The following ABHD6 variants were observed in gnomAD, a reference collection of about 807,000 sequenced individuals.
ABHD6 encodes abhydrolase domain containing 6, acylglycerol lipase, also known as monoacylglycerol lipase ABHD6.
In ABHD6, 33 loss-of-function variants were observed where a neutral mutation model predicts 38.8. The ratio of observed to expected loss-of-function variants is 0.85; its 90% CI spans 0.64 to 1.14. ABHD6 has a LOEUF of 1.14. Ranked by LOEUF, ABHD6 falls within the 50% of genes most tolerant of loss-of-function variation. The pLI, the probability that ABHD6 is intolerant of heterozygous loss-of-function variation, is 0.00. For synonymous variants in ABHD6, 147 were observed against 161.6 expected (o/e 0.91, Z 0.69); for missense variants, 380 against 422.6 (o/e 0.90, Z 0.88).
At chr3:58,252,229 GTTT>G (rs10671892) in intron 2 of ABHD6, among the ~76,000 whole-genome samples, 1 of 80,966 alleles carries the variant, frequency 1.2e-5, no homozygotes, top group Non-Finnish European at 2.2e-5. Context: ...TTGACTGCTT[GTTT>G]TTTTTTTTTT....
At chr3:58,260,982 T>C (rs1264353342) in intron 3 of ABHD6, among the ~76,000 whole-genome samples, 3 of 152,168 alleles carry the variant, frequency 2.0e-5, no homozygotes, top group Non-Finnish European at 4.4e-5. Context: ...CTATGGCTGC[T>C]CCTGCAGGAG....
intron 9 of ABHD6, among the ~76,000 whole-genome samples, chr3:58,289,294 CA>C (rs1213612307): frequency 6.6e-6 from 1 of 151,262 alleles, no homozygotes; most frequent in Non-Finnish European, 1.5e-5. Flanking sequence ...GGGGATTTGG[CA>C]GGGTCATAGG....
chr3:58,280,572 C>T (rs1011118030), intron 7 of ABHD6, among the ~76,000 whole-genome samples: 1 of 152,148 alleles, frequency 6.6e-6, no homozygotes, highest in South Asian at 2.1e-4. Flanking sequence ...TTATTACTGA[C>T]CTTCTGAAGC....
At chr3:58,291,365 C>G (rs1262732890) in intron 9 of ABHD6, among the ~76,000 whole-genome samples, 1 of 151,966 alleles carries the variant, frequency 6.6e-6, no homozygotes, top group African/African-American at 2.4e-5. Context: ...GAGGGAGACC[C>G]TGGAAAGAGA....
At chr3:58,270,503 C>CAAAAAA (rs768619665) in intron 5 of ABHD6, among the ~76,000 whole-genome samples, 3 of 60,654 alleles carry the variant, frequency 4.9e-5, no homozygotes, top group South Asian at 5.6e-4. Context: ...CTCATCTCTA[C>CAAAAAA]AAAAAAAAAA....
At chr3:58,246,737 C>G (rs2097426665) in intron 1 of ABHD6, among the ~76,000 whole-genome samples, 3 of 151,706 alleles carry the variant, frequency 2.0e-5, no homozygotes, top group Admixed American at 2.0e-4. Flanking sequence ...TATGGATGGT[C>G]ATGTGTTTCC....
In ABHD6 at chr3:58,256,538, C is replaced by A; in HGVS notation, c.-25-24C>A. 7.3e-7 allele frequency: 1 copy of A among 1,375,076 alleles called. No homozygotes were observed. The highest frequency in any genetic ancestry group is 1.0e-6 in the Non-Finnish European group (1 of 974,552). 85.2% of individuals were successfully genotyped at this position (1,375,076 alleles called of 1,614,324 possible). A position where few individuals can be genotyped will look rare whatever the true frequency, so the allele number is the denominator to read the frequency against. Reference sequence around the variant, plus strand: ...TTCCTTTGATACAGAGTTTTAATATCGTCATTCTCTTTGGCCCCTGCAGGA... The same window carrying A: ...TTCCTTTGATACAGAGTTTTAATATAGTCATTCTCTTTGGCCCCTGCAGGA... On this transcript the variant is annotated intron_variant, in intron 2 of 9. Transcript: ENST00000478253. The surrounding 1 kb of genome is among the most constrained non-coding windows in gnomAD (Gnocchi z 4.3).
rs1379693912 is a variant in ABHD6, at chr3:58,251,020, AG to A, written c.-26+1079del. 6.6e-6 allele frequency among the ~76,000 whole-genome samples: 1 copy of A among 152,170 alleles called. No individual in the cohort carries two copies. Among genetic ancestry groups the A allele is most frequent in the African/African-American group, 2.4e-5 (1 of 41,434 alleles). On this transcript the variant is annotated intron_variant, in intron 2 of 9. Coordinates refer to ENST00000478253, the MANE Select transcript of ABHD6 (RefSeq NM_001320126.2). This position sits in a 1 kb window ranked among gnomAD's most constrained non-coding sequence, Gnocchi z 5.4. ...AGGTTAGACTGATGCAATTACTGTC[AG>A]CAGAAATCAGTAAGTCGGCTAGGTG...
At position 58,256,150 on chromosome 3, in the gene ABHD6, G is replaced by A. The variant is rs2097433205; in HGVS notation, c.-25-412G>A. ...TTCTCTCCTGAACCTTTAAAAGTGA[G>A]TAGCAGATACCATTATACTTCACCC... On this transcript the variant is annotated intron_variant, in intron 2 of 9. Coordinates refer to ENST00000478253, the MANE Select transcript of ABHD6 (RefSeq NM_001320126.2). This position sits in a 1 kb window ranked among gnomAD's most constrained non-coding sequence, Gnocchi z 4.3. 6.6e-6 allele frequency among the ~76,000 whole-genome samples: 1 copy of A among 150,826 alleles called. No homozygotes were observed.
intron 9 of ABHD6, among the ~76,000 whole-genome samples, chr3:58,286,345 G>A (rs918937001): frequency 2.6e-5 from 4 of 151,838 alleles, no homozygotes; most frequent in Admixed American, 6.6e-5. Flanking sequence ...TAGTAGAGAC[G>A]GGGTTTCACC....
intron 6 of ABHD6, among the ~76,000 whole-genome samples, chr3:58,272,915 A>G (rs1054496229): frequency 2.6e-5 from 4 of 152,204 alleles, no homozygotes; most frequent in African/African-American, 9.6e-5. Context: ...CAGTTTCCCC[A>G]TTAATAGCTC....
chr3:58,245,827 A>AAAAG (rs57659822), intron 1 of ABHD6, among the ~76,000 whole-genome samples: 110,336 of 150,914 alleles, frequency 0.73, 41,340 homozygotes, highest in East Asian at 0.99. Flanking sequence ...GAAAGAAAGA[A>AAAAG]AAAGAAAGAA....
At chr3:58,248,180 T>C (rs1039041241) in intron 1 of ABHD6, among the ~76,000 whole-genome samples, 2 of 152,200 alleles carry the variant, frequency 1.3e-5, no homozygotes, top group African/African-American at 4.8e-5. Flanking sequence ...TAGGGACAAA[T>C]AGGACTGTCT....
chr3:58,276,248 C>T (rs530363981), intron 7 of ABHD6, among the ~76,000 whole-genome samples: 82 of 152,326 alleles, frequency 5.4e-4, no homozygotes, highest in Non-Finnish European at 9.3e-4. Context: ...TAAAAGCGTT[C>T]CTATTTCTCC....
chr3:58,242,885 C>T (rs2097423779), intron 1 of ABHD6, among the ~76,000 whole-genome samples: 1 of 152,046 alleles, frequency 6.6e-6, no homozygotes, highest in African/African-American at 2.4e-5. Context: ...CCCTGCCCCA[C>T]GACAGGCCCC....
intron 3 of ABHD6, among the ~76,000 whole-genome samples, chr3:58,262,094 A>G (rs2097437385): frequency 6.6e-6 from 1 of 152,204 alleles, no homozygotes; most frequent in African/African-American, 2.4e-5. Context: ...CCAGACACAA[A>G]AGGACAAATT....
At position 58,259,076 on chromosome 3, in the gene ABHD6, C is replaced by T. The variant is rs1005794063; in HGVS notation, c.119+2371C>T. On this transcript the variant is annotated intron_variant, in intron 3 of 9. Transcript: ENST00000478253. This position sits in a 1 kb window ranked among gnomAD's most constrained non-coding sequence, Gnocchi z 4.7. The stretch of plus-strand genomic sequence containing the variant: ...TCATGGACTGCCACACACAAAACGC[C>T]GTTTTTATTAACGACATGAAATTGA... Among the ~76,000 whole-genome samples the T allele has an allele frequency of 4.6e-5, 7 of 152,054 alleles. No homozygotes were observed. The highest frequency in any genetic ancestry group is 1.2e-4 in the African/African-American group (5 of 41,398).
chr3:58,241,614 A>G (rs559440913), intron 1 of ABHD6, among the ~76,000 whole-genome samples: 1 of 152,212 alleles, frequency 6.6e-6, no homozygotes, highest in Non-Finnish European at 1.5e-5. Flanking sequence ...ATATACCCAG[A>G]AAAGGATTCA....
chr3:58,265,708 A>G lies in ABHD6; in HGVS notation c.120-1481A>G, dbSNP rs535214587. 1.1e-4 allele frequency among the ~76,000 whole-genome samples: 16 copies of G among 152,322 alleles called. 1 individual carries two copies. In the South Asian group the frequency reaches 3.1e-3, roughly 30 times the overall value. On this transcript the variant is annotated intron_variant, in intron 3 of 9. Transcript: ENST00000478253. This position sits in a 1 kb window ranked among gnomAD's most constrained non-coding sequence, Gnocchi z 4.2. ...TAAAGAAAAGAAATTTGTTTGGCTTATTGTTCTGGAGGTTGGGAAGCCCAA... is the reference window on the plus strand; with the variant it reads ...TAAAGAAAAGAAATTTGTTTGGCTTGTTGTTCTGGAGGTTGGGAAGCCCAA...
Sources: gnomAD v4.1 joint callset for allele counts (sites outside exome capture counted in the v4.1 genomes callset) on GRCh38, gnomAD v4.1.1 for gene constraint, Gnocchi (gnomAD v3.1) non-coding constraint, MANE v1.5 for transcripts, NCBI Gene and HGNC (gene_info 2026-07-23, HGNC 2026-07-21) for gene names.